CA10: variants seen among roughly 807,000 people sequenced by gnomAD.
CA10 encodes the protein carbonic anhydrase 10 (inactive), also known as carbonic anhydrase-related protein 10.
In CA10, 14 loss-of-function variants were observed where a neutral mutation model predicts 44.2. The observed-to-expected ratio is 0.32, with a 90% CI of 0.21 to 0.50. CA10 has a LOEUF of 0.50. Ranked by LOEUF, CA10 falls within the 20% of genes least tolerant of loss-of-function variation. The pLI is 0.99. For missense variants in CA10, 350 were observed against 409.7 expected (o/e 0.85, Z 1.26); for synonymous variants, 159 against 141.6 (o/e 1.12, Z -0.87).
intron 3 of CA10, among the ~76,000 whole-genome samples, 193 bp downstream of exon 3, chr17:51,930,797 C>T (rs1982624968): frequency 6.6e-6 from 1 of 151,922 alleles, no homozygotes; most frequent in South Asian, 2.1e-4. Flanking sequence ...ATCAGAAGCA[C>T]AAAAGTTTGA....
intron 1 of CA10, among the ~76,000 whole-genome samples, chr17:52,088,347 C>G (rs1372811318): frequency 1.3e-5 from 2 of 152,160 alleles, no homozygotes; most frequent in Non-Finnish European, 2.9e-5. Flanking sequence ...TTTTAAATAT[C>G]ACATGCAGTC....
At chr17:51,901,735 T>C (rs1490662129) in intron 3 of CA10, among the ~76,000 whole-genome samples, 1 of 152,098 alleles carries the variant, frequency 6.6e-6, no homozygotes, top group Non-Finnish European at 1.5e-5. Context: ...AGGTACACCA[T>C]GGTAATTTTA....
chr17:52,120,793 G>A (rs915905681), intron 1 of CA10, among the ~76,000 whole-genome samples: 7 of 152,150 alleles, frequency 4.6e-5, no homozygotes, highest in African/African-American at 1.4e-4. Flanking sequence ...CCTGGTATTC[G>A]ATCTGTGAGG....
At chr17:51,979,791 G>A (rs1006036387) in intron 2 of CA10, among the ~76,000 whole-genome samples, 3 of 152,030 alleles carry the variant, frequency 2.0e-5, no homozygotes, top group African/African-American at 4.8e-5. Context: ...GCTATTGTTT[G>A]TTAGGGATTA....
intron 2 of CA10, among the ~76,000 whole-genome samples, chr17:52,001,219 AAAC>A (rs1325625257): frequency 6.6e-6 from 1 of 152,024 alleles, no homozygotes; most frequent in Non-Finnish European, 1.5e-5. Context: ...GGATTGTAAA[AAAC>A]AAAGCAGAAT....
At chr17:51,860,266 C>T (rs1979243249) in intron 3 of CA10, among the ~76,000 whole-genome samples, 1 of 152,174 alleles carries the variant, frequency 6.6e-6, no homozygotes, top group Non-Finnish European at 1.5e-5. Flanking sequence ...ATTAGCCCTC[C>T]CTATTTAGAA....
intron 2 of CA10, 61 bp from the exon 3 acceptor site, chr17:51,931,193 T>C (rs952551086): frequency 1.3e-5 from 19 of 1,519,216 alleles, no homozygotes; most frequent in African/African-American, 6.9e-5. Context: ...ACAACATAAA[T>C]AAACAGAGCT....
At chr17:52,152,411 A>G (rs1196344266) in intron 1 of CA10, among the ~76,000 whole-genome samples, 1 of 152,044 alleles carries the variant, frequency 6.6e-6, no homozygotes, top group Non-Finnish European at 1.5e-5. Flanking sequence ...TTCAGTTGGG[A>G]CATTCTTTAG....
At chr17:51,883,018 G>A (rs576583301) in intron 3 of CA10, among the ~76,000 whole-genome samples, 2 of 152,294 alleles carry the variant, frequency 1.3e-5, no homozygotes, top group Admixed American at 1.3e-4. Context: ...GTACAGTGCA[G>A]GTCTAGAAGA....
At chr17:51,838,880 C>T (rs1280120826) in intron 3 of CA10, among the ~76,000 whole-genome samples, 12 of 152,228 alleles carry the variant, frequency 7.9e-5, no homozygotes, top group African/African-American at 2.7e-4. Flanking sequence ...ACTCATCTAC[C>T]ATCATTGTGC....
chr17:52,038,458 G>T (rs1204875278), intron 2 of CA10, among the ~76,000 whole-genome samples: 2 of 152,108 alleles, frequency 1.3e-5, no homozygotes, highest in Non-Finnish European at 2.9e-5. Context: ...TCAGGATTCT[G>T]ATACCATGTT....
At chr17:51,984,305 C>A (rs1488519777) in intron 2 of CA10, among the ~76,000 whole-genome samples, 1 of 151,630 alleles carries the variant, frequency 6.6e-6, no homozygotes, top group Non-Finnish European at 1.5e-5. Context: ...ATTCTTTGAA[C>A]TGAACAAAAA....
At chr17:51,708,442 A>G (rs565953659) in intron 4 of CA10, among the ~76,000 whole-genome samples, 1 of 152,338 alleles carries the variant, frequency 6.6e-6, no homozygotes, top group East Asian at 1.9e-4. Context: ...ATGTTGAGGA[A>G]CTCAAAGTAG....
intron 2 of CA10, among the ~76,000 whole-genome samples, chr17:52,034,272 G>A (rs1250372069): frequency 6.6e-6 from 1 of 152,184 alleles, no homozygotes; most frequent in Non-Finnish European, 1.5e-5. Flanking sequence ...GGCATAGATT[G>A]TGGTGATGGT....
chr17:51,712,395 G>A (rs1915968495), intron 4 of CA10, among the ~76,000 whole-genome samples: 1 of 152,248 alleles, frequency 6.6e-6, no homozygotes, highest in Non-Finnish European at 1.5e-5. Flanking sequence ...GCTTTTGTGA[G>A]GATTAGGAGA....
chr17:51,920,002 G>C (rs1421557608), intron 3 of CA10, among the ~76,000 whole-genome samples: 1 of 152,086 alleles, frequency 6.6e-6, no homozygotes, highest in Non-Finnish European at 1.5e-5. Context: ...AAACTAAAGT[G>C]GTATGATGTG....
At chr17:51,660,036 G>A (rs1248454198) in intron 4 of CA10, among the ~76,000 whole-genome samples, 1 of 152,170 alleles carries the variant, frequency 6.6e-6, no homozygotes, top group East Asian at 1.9e-4. Context: ...AGAAAATCAA[G>A]GTCTTAGTTC....
chr17:51,970,730 A>G (rs1373257936), intron 2 of CA10, among the ~76,000 whole-genome samples: 1 of 152,080 alleles, frequency 6.6e-6, no homozygotes, highest in African/African-American at 2.4e-5. Flanking sequence ...TCCTGAAAAT[A>G]TTGTGTTTTG....
At chr17:51,893,816 T>C (rs1175787007) in intron 3 of CA10, among the ~76,000 whole-genome samples, 1 of 152,186 alleles carries the variant, frequency 6.6e-6, no homozygotes, top group Non-Finnish European at 1.5e-5. Context: ...AGAGATCCTG[T>C]ATTTGTGAGG....
Sources: gnomAD v4.1 joint callset for allele counts (sites outside exome capture counted in the v4.1 genomes callset) on GRCh38, gnomAD v4.1.1 for gene constraint, MANE v1.5 for transcripts, NCBI Gene and HGNC (gene_info 2026-07-23, HGNC 2026-07-21) for gene names.